NBEA: variants seen among roughly 807,000 people sequenced by gnomAD.
NBEA encodes the protein neurobeachin.
Under a neutral mutation model 343.4 loss-of-function variants are expected in NBEA, and 44 were observed. That is an observed-to-expected ratio of 0.13 (90% CI 0.10 to 0.16). The LOEUF (loss-of-function observed/expected upper bound fraction) is 0.16. NBEA is among the 10% of genes least tolerant of loss of function. The pLI is 1.00. For missense variants in NBEA, 2,555 were observed against 3,631.3 expected (o/e 0.70, Z 7.62); for synonymous variants, 1,175 against 1,238.7 (o/e 0.95, Z 1.08).
intron 36 of NBEA, among the ~76,000 whole-genome samples, chr13:35,312,770 T>C (rs1460074118): frequency 6.6e-6 from 1 of 152,066 alleles, no homozygotes; most frequent in Non-Finnish European, 1.5e-5. Flanking sequence ...AAAGAAGGAA[T>C]CAAGGATATT....
intron 1 of NBEA, among the ~76,000 whole-genome samples, chr13:34,968,677 G>A (rs2059905360): frequency 1.3e-5 from 2 of 152,152 alleles, no homozygotes; most frequent in Admixed American, 6.6e-5. Flanking sequence ...TTAGAAAAAT[G>A]TGAAAAACTG....
At chr13:35,533,441 C>T (rs1480017153) in intron 41 of NBEA, among the ~76,000 whole-genome samples, 1 of 152,026 alleles carries the variant, frequency 6.6e-6, no homozygotes, top group East Asian at 1.9e-4. Context: ...ATTATATGCA[C>T]ATATAGGTAT....
intron 18 of NBEA, among the ~76,000 whole-genome samples, chr13:35,151,130 A>AG (rs2068757353): frequency 6.6e-6 from 1 of 151,226 alleles, no homozygotes; most frequent in African/African-American, 2.4e-5. Flanking sequence ...AAAAAAAAAA[A>AG]GAAAAGAAAT....
At chr13:34,975,610 G>A (rs1314035880) in intron 1 of NBEA, among the ~76,000 whole-genome samples, 2 of 152,062 alleles carry the variant, frequency 1.3e-5, no homozygotes, top group Non-Finnish European at 2.9e-5. Flanking sequence ...AAAAGCTTCA[G>A]TACAGCAAAA....
intron 1 of NBEA, among the ~76,000 whole-genome samples, chr13:34,999,656 G>T (rs371026753): frequency 1.3e-5 from 2 of 151,864 alleles, no homozygotes; most frequent in Admixed American, 1.3e-4. Flanking sequence ...ATTTTTCTGT[G>T]ATTTTTTTTC....
chr13:35,416,285 G>C (rs915204368), intron 38 of NBEA, among the ~76,000 whole-genome samples: 2 of 152,148 alleles, frequency 1.3e-5, no homozygotes, highest in African/African-American at 4.8e-5. Context: ...AATAGGAATG[G>C]TGAGAGAGCG....
At chr13:35,472,605 G>T in intron 41 of NBEA, 69 bp downstream of exon 41, 1 of 1,566,032 alleles carries the variant, frequency 6.4e-7, no homozygotes, top group East Asian at 2.2e-5. Flanking sequence ...AATTTTGTTT[G>T]GTTTTACCTG....
At chr13:35,036,994 C>T (rs1197531033) in intron 1 of NBEA, among the ~76,000 whole-genome samples, 1 of 152,084 alleles carries the variant, frequency 6.6e-6, no homozygotes, top group Non-Finnish European at 1.5e-5. Flanking sequence ...CTTTCTACAC[C>T]TATCTGTTTC....
intron 30 of NBEA, among the ~76,000 whole-genome samples, chr13:35,192,455 CAT>C (rs1005109221): frequency 9.2e-4 from 140 of 152,024 alleles, no homozygotes; most frequent in African/African-American, 2.7e-3. Flanking sequence ...CTTTACAAAA[CAT>C]ATTTATTTGA....
chr13:35,182,232 C>T, intron 28 of NBEA, 128 bp from the exon 29 acceptor site: 1 of 397,234 alleles, frequency 2.5e-6, no homozygotes, highest in Non-Finnish European at 4.2e-6. Context: ...ATATATTTAG[C>T]AGGTTTTCAT....
chr13:35,634,071 G>A (rs375319640), intron 49 of NBEA, among the ~76,000 whole-genome samples: 3 of 152,146 alleles, frequency 2.0e-5, no homozygotes, highest in East Asian at 1.9e-4. Flanking sequence ...TAGGCCAGGC[G>A]CTGTGGCTCA....
At chr13:35,624,072 G>A (rs1265001427) in intron 48 of NBEA, among the ~76,000 whole-genome samples, 1 of 151,728 alleles carries the variant, frequency 6.6e-6, no homozygotes, top group Non-Finnish European at 1.5e-5. Context: ...GTGTGTGTGT[G>A]TGTGTGTGAG....
chr13:35,666,708 A>C (rs1054009464), intron 56 of NBEA, among the ~76,000 whole-genome samples: 1 of 152,182 alleles, frequency 6.6e-6, no homozygotes, highest in African/African-American at 2.4e-5. Flanking sequence ...ATTTTTATGA[A>C]TTGATCAGTG....
chr13:35,536,488 CAG>C (rs1361802812), intron 41 of NBEA, among the ~76,000 whole-genome samples: 1 of 151,962 alleles, frequency 6.6e-6, no homozygotes, highest in African/African-American at 2.4e-5. Context: ...ACAGCTAATA[CAG>C]AGAGTTCCTA....
At chr13:35,515,431 G>C (rs12871823) in intron 41 of NBEA, among the ~76,000 whole-genome samples, 22,442 of 152,112 alleles carry the variant, frequency 0.15, 1,955 homozygotes, top group Admixed American at 0.24. Context: ...GTTACCTTTT[G>C]AATGTTCCAA....
At chr13:35,220,823 A>G (rs1453597896) in intron 33 of NBEA, among the ~76,000 whole-genome samples, 1 of 152,090 alleles carries the variant, frequency 6.6e-6, no homozygotes, top group African/African-American at 2.4e-5. Flanking sequence ...GACCCATTTT[A>G]TCCTTCTGTT....
At chr13:35,472,973 A>G (rs777895498) in intron 41 of NBEA, among the ~76,000 whole-genome samples, 5 of 152,212 alleles carry the variant, frequency 3.3e-5, no homozygotes, top group Non-Finnish European at 5.9e-5. Context: ...ATATAAATTA[A>G]TCTCCATTAG....
chr13:35,401,611 G>A (rs1328848010), intron 38 of NBEA, among the ~76,000 whole-genome samples: 1 of 151,950 alleles, frequency 6.6e-6, no homozygotes, highest in Non-Finnish European at 1.5e-5. Flanking sequence ...TAAGACATCT[G>A]TAAGAGAAAA....
At chr13:35,538,128 C>T (rs992296922) in intron 41 of NBEA, among the ~76,000 whole-genome samples, 2 of 152,072 alleles carry the variant, frequency 1.3e-5, no homozygotes, top group East Asian at 1.9e-4. Flanking sequence ...TATCCCTTGT[C>T]GCAAATGCTT....
Sources: gnomAD v4.1 joint callset for allele counts (sites outside exome capture counted in the v4.1 genomes callset) on GRCh38, gnomAD v4.1.1 for gene constraint, MANE v1.5 for transcripts, NCBI Gene and HGNC (gene_info 2026-07-23, HGNC 2026-07-21) for gene names.